XRCC4: variants seen among roughly 807,000 people sequenced by gnomAD.
XRCC4 encodes X-ray repair cross complementing 4.
A neutral mutation model predicts 39.1 loss-of-function variants in XRCC4; 28 were observed. The ratio of observed to expected loss-of-function variants is 0.72; its 90% CI spans 0.53 to 0.98. The LOEUF is 0.98. Ranked by LOEUF, XRCC4 falls within the 50% of genes least tolerant of loss-of-function variation. The pLI, the probability that XRCC4 is intolerant of heterozygous loss-of-function variation, is 0.00. For missense variants in XRCC4, 350 were observed against 376.4 expected (o/e 0.93, Z 0.58); for synonymous variants, 123 against 126.4 (o/e 0.97, Z 0.18).
chr5:83,178,598 G>T (rs1750067600), intron 3 of XRCC4, among the ~76,000 whole-genome samples: 1 of 152,186 alleles, frequency 6.6e-6, no homozygotes, highest in Non-Finnish European at 1.5e-5. Context: ...GGCACTGATG[G>T]CATTGGTAGA....
intron 7 of XRCC4, among the ~76,000 whole-genome samples, chr5:83,278,861 G>A (rs1441508697): frequency 6.6e-6 from 1 of 151,030 alleles, no homozygotes; most frequent in East Asian, 1.9e-4. Flanking sequence ...GGCGACGTGT[G>A]CCTATAATCC....
chr5:83,238,374 T>A, intron 6 of XRCC4, among the ~76,000 whole-genome samples: 1 of 152,202 alleles, frequency 6.6e-6, no homozygotes, highest in East Asian at 1.9e-4. Context: ...AAAAGATCTG[T>A]CAGGCTTCAG....
intron 5 of XRCC4, among the ~76,000 whole-genome samples, chr5:83,204,143 ATTC>A (rs1432557319): frequency 2.0e-5 from 3 of 152,122 alleles, no homozygotes; most frequent in African/African-American, 7.2e-5. Flanking sequence ...TATCAGTTTT[ATTC>A]TTCTTTCACA....
chr5:83,127,590 G>A (rs538619327), intron 3 of XRCC4, among the ~76,000 whole-genome samples: 2 of 151,992 alleles, frequency 1.3e-5, no homozygotes, highest in African/African-American at 4.8e-5. Context: ...CCAGTCTTGG[G>A]TATGTCTTTA....
chr5:83,310,408 G>A (rs1755664087), intron 7 of XRCC4, among the ~76,000 whole-genome samples: 1 of 152,138 alleles, frequency 6.6e-6, no homozygotes, highest in Non-Finnish European at 1.5e-5. Flanking sequence ...AGGAGGATGG[G>A]CCAGATATGG....
chr5:83,219,014 A>C (rs1751979453), intron 6 of XRCC4, among the ~76,000 whole-genome samples: 1 of 152,090 alleles, frequency 6.6e-6, no homozygotes. Context: ...TGAAATTGAG[A>C]TGTTGGCAGG....
intron 7 of XRCC4, among the ~76,000 whole-genome samples, chr5:83,280,841 C>T (rs1754511707): frequency 6.6e-6 from 1 of 152,180 alleles, no homozygotes; most frequent in Non-Finnish European, 1.5e-5. Flanking sequence ...TGTAAACTGG[C>T]ATAGAAAGCC....
chr5:83,114,292 C>G (rs1746602616), intron 3 of XRCC4, among the ~76,000 whole-genome samples: 1 of 152,174 alleles, frequency 6.6e-6, no homozygotes, highest in African/African-American at 2.4e-5. Flanking sequence ...ATTACTTATG[C>G]AAATTTATGC....
At chr5:83,100,477 C>T (rs1745878564) in intron 1 of XRCC4, among the ~76,000 whole-genome samples, 2 of 152,090 alleles carry the variant, frequency 1.3e-5, no homozygotes, top group Admixed American at 1.3e-4. Context: ...AAATTTGTCA[C>T]TTGGTTCAAA....
At chr5:83,269,322 C>T (rs28360257) in intron 7 of XRCC4, among the ~76,000 whole-genome samples, 119 of 152,000 alleles carry the variant, frequency 7.8e-4, no homozygotes, top group African/African-American at 2.7e-3. Flanking sequence ...TAGCACCAAA[C>T]GAAAGAGACC....
intron 1 of XRCC4, among the ~76,000 whole-genome samples, chr5:83,090,610 G>C (rs1745381211): frequency 6.6e-6 from 1 of 152,172 alleles, no homozygotes; most frequent in Non-Finnish European, 1.5e-5. Context: ...ATGGAGGGTA[G>C]GGAGGAGGGT....
At chr5:83,203,182 T>A (rs1402593045) in intron 4 of XRCC4, among the ~76,000 whole-genome samples, 2 of 152,154 alleles carry the variant, frequency 1.3e-5, no homozygotes, top group African/African-American at 4.8e-5. Flanking sequence ...GTTGCTTTTA[T>A]AGTAATATTA....
chr5:83,287,829 G>A (rs1754787603), intron 7 of XRCC4, among the ~76,000 whole-genome samples: 1 of 151,546 alleles, frequency 6.6e-6, no homozygotes, highest in Admixed American at 6.6e-5. Flanking sequence ...TCTGCTTGCT[G>A]TAGGCTTAAA....
intron 2 of XRCC4, among the ~76,000 whole-genome samples, chr5:83,106,198 A>G (rs143202638): frequency 9.2e-5 from 14 of 152,232 alleles, no homozygotes; most frequent in African/African-American, 3.4e-4. Flanking sequence ...GGTTTTATGT[A>G]TGCCAGAGAG....
In XRCC4 at chr5:83,309,559, A is replaced by G. The variant is rs528467566; in HGVS notation, c.894-43572A>G. 2.5e-3 allele frequency among the ~76,000 whole-genome samples: 380 copies of G among 151,098 alleles called. 2 individuals carry two copies. The highest frequency in any genetic ancestry group is 8.8e-3 in the African/African-American group (366 of 41,370). ...GGTGGATCACGAGGTCAGGAGATCGAGACCATCCTGGCTAACACGGTGAAA... is the reference window on the plus strand; with the variant it reads ...GGTGGATCACGAGGTCAGGAGATCGGGACCATCCTGGCTAACACGGTGAAA... On this transcript the variant is annotated intron_variant, in intron 7 of 7. Transcript: ENST00000396027.
At position 83,222,136 on chromosome 5, in the gene XRCC4, T is replaced by C. The variant is rs28360180; in HGVS notation, c.745+17215T>C. Among the ~76,000 whole-genome samples, 683 of 152,090 alleles carry C rather than the reference T, an allele frequency of 4.5e-3. 2 individuals are homozygous for C. The highest frequency in any genetic ancestry group is 0.016 in the African/African-American group (652 of 41,542). ...AATCTGATAATCTTTGTATTTTGAT[T>C]GGAGTATTTATTCCATTTACAGTTC... On this transcript the variant is annotated intron_variant, in intron 6 of 7. Transcript: ENST00000396027.
chr5:83,231,899 AT>A (rs1199488197), intron 6 of XRCC4, among the ~76,000 whole-genome samples: 1 of 151,918 alleles, frequency 6.6e-6, no homozygotes, highest in Non-Finnish European at 1.5e-5. Context: ...ATTTCTATGG[AT>A]TTGTCATTTG....
intron 3 of XRCC4, among the ~76,000 whole-genome samples, chr5:83,131,874 A>G (rs1747606982): frequency 1.3e-5 from 2 of 152,066 alleles, no homozygotes; most frequent in African/African-American, 4.8e-5. Flanking sequence ...CATTTAGCCC[A>G]TTTACATTTA....
chr5:83,270,290 G>A (rs1041348699), intron 7 of XRCC4, among the ~76,000 whole-genome samples: 2 of 152,104 alleles, frequency 1.3e-5, no homozygotes, highest in Admixed American at 6.6e-5. Flanking sequence ...TTAGGCCATG[G>A]ACCAGAGGTT....
Sources: gnomAD v4.1 joint callset for allele counts (sites outside exome capture counted in the v4.1 genomes callset) on GRCh38, gnomAD v4.1.1 for gene constraint, MANE v1.5 for transcripts, NCBI Gene and HGNC (gene_info 2026-07-23, HGNC 2026-07-21) for gene names.